ATXN7L1: variants seen among roughly 807,000 people sequenced by gnomAD.
ATXN7L1 encodes ataxin-7-like protein 1.
In ATXN7L1, 15 loss-of-function variants were observed where a neutral mutation model predicts 70.8. The observed-to-expected ratio is 0.21, with a 90% CI of 0.14 to 0.33. ATXN7L1 has a LOEUF of 0.33. Among genes scored for constraint, ATXN7L1 ranks in the 10% least tolerant of loss-of-function variants. ATXN7L1 has a pLI of 1.00. For missense variants in ATXN7L1, 975 were observed against 1,097.1 expected, an observed-to-expected ratio of 0.89 and a Z score of 1.57; for synonymous variants, 440 against 445.1, an observed-to-expected ratio of 0.99 and a Z score of 0.14.
intron 3 of ATXN7L1, among the ~76,000 whole-genome samples, chr7:105,691,931 G>A (rs1790927232): frequency 6.6e-6 from 1 of 152,206 alleles, no homozygotes; most frequent in Non-Finnish European, 1.5e-5. Flanking sequence ...AACTGACCCA[G>A]TGCCAAGAAC....
intron 2 of ATXN7L1, among the ~76,000 whole-genome samples, chr7:105,836,727 A>G (rs1585118259): frequency 6.6e-6 from 1 of 152,204 alleles, no homozygotes; most frequent in Admixed American, 6.5e-5. Flanking sequence ...CTGTTCTTGC[A>G]CTGCTATAAA....
intron 3 of ATXN7L1, among the ~76,000 whole-genome samples, chr7:105,731,651 TC>T (rs1244620097): frequency 6.0e-5 from 9 of 150,580 alleles, no homozygotes; most frequent in Non-Finnish European, 1.3e-4. Context: ...TGGTGGCGGG[TC>T]TTGAACTCCT....
intron 4 of ATXN7L1, among the ~76,000 whole-genome samples, chr7:105,662,623 G>A (rs1268363727): frequency 2.0e-5 from 3 of 152,118 alleles, no homozygotes; most frequent in African/African-American, 7.2e-5. Flanking sequence ...GATCTTCCCC[G>A]AGCTCCCTGG....
intron 4 of ATXN7L1, among the ~76,000 whole-genome samples, chr7:105,647,286 G>T (rs1156418855): frequency 6.6e-6 from 1 of 152,190 alleles, no homozygotes; most frequent in Non-Finnish European, 1.5e-5. Flanking sequence ...AGGTCCTCAG[G>T]CCTTCAGCAG....
intron 3 of ATXN7L1, among the ~76,000 whole-genome samples, chr7:105,717,214 A>C: frequency 6.6e-6 from 1 of 151,966 alleles, no homozygotes; most frequent in Non-Finnish European, 1.5e-5. Context: ...TGCAACCTCC[A>C]CCTCCTGGGT....
chr7:105,614,857 C>T lies in ATXN7L1; in HGVS notation c.1518-41G>A, dbSNP rs113078078. 0.034 allele frequency: 51,009 copies of T among 1,520,338 alleles called. 969 individuals are homozygous for T. Among genetic ancestry groups the T allele is most frequent in the Non-Finnish European group, 0.039 (44,009 of 1,129,414 alleles). The allele number at this position is 1,520,338 out of a possible 1,614,324, so 94.2% of individuals were successfully genotyped here. On this transcript the variant is annotated intron_variant, in intron 9 of 11. Transcript: ENST00000419735. The surrounding 1 kb of genome is among the most constrained non-coding windows in gnomAD (Gnocchi z 4.3). ...GAGTGAAAGAGAATCAGTGAGACAT[C>T]GGGTTGGCATTGCTCAGGAGGCTCG...
chr7:105,829,089 A>G (rs1312480684), intron 2 of ATXN7L1, among the ~76,000 whole-genome samples: 1 of 152,200 alleles, frequency 6.6e-6, no homozygotes, highest in Non-Finnish European at 1.5e-5. Flanking sequence ...TACATTTGAC[A>G]GGCTGCCTGC....
intron 2 of ATXN7L1, among the ~76,000 whole-genome samples, chr7:105,860,997 G>A (rs950658610): frequency 2.6e-5 from 4 of 152,222 alleles, no homozygotes; most frequent in African/African-American, 9.7e-5. Context: ...CATGCACAGG[G>A]TGCGGAGAAG....
At chr7:105,767,380 C>T (rs1801416140) in intron 3 of ATXN7L1, among the ~76,000 whole-genome samples, 2 of 152,150 alleles carry the variant, frequency 1.3e-5, no homozygotes, top group Admixed American at 1.3e-4. Flanking sequence ...ATGTATCCAT[C>T]CAGCTACGAT....
intron 2 of ATXN7L1, among the ~76,000 whole-genome samples, chr7:105,872,671 A>G (rs1818438770): frequency 6.6e-6 from 1 of 152,074 alleles, no homozygotes. Flanking sequence ...AGGAATGGGG[A>G]ATGGGGAGTG....
chr7:105,647,267 G>A (rs1338595767), intron 4 of ATXN7L1, among the ~76,000 whole-genome samples: 1 of 152,206 alleles, frequency 6.6e-6, no homozygotes, highest in Non-Finnish European at 1.5e-5. Context: ...AATGCCCTAT[G>A]TAGATGTTAG....
chr7:105,613,876 T>C lies in ATXN7L1; in HGVS notation c.2458A>G (p.Thr820Ala), dbSNP rs1793439386. 6.4e-7 allele frequency: 1 copy of C among 1,551,546 alleles called. No homozygotes were observed. The highest frequency in any genetic ancestry group is 8.7e-7 in the Non-Finnish European group (1 of 1,146,954). Reference sequence around the variant, plus strand: ...AGGTCCCTTACCTGCCGAGAGGAGGTGCTGTTAACGGGATCGGGCACCGGT... The same window carrying C: ...AGGTCCCTTACCTGCCGAGAGGAGGCGCTGTTAACGGGATCGGGCACCGGT... ...LAPVPDPVNS[T>A]SSRQVGKNSS... The change falls in exon 10 of 12, where the codon ACC becomes GCC. Residue 820 changes from threonine (T) to alanine (A), a missense_variant. This residue lies in a region of ATXN7L1 where 635 missense variants were observed against 699.4 expected (regional missense o/e 0.91). Coordinates refer to ENST00000419735, the MANE Select transcript of ATXN7L1 (RefSeq NM_020725.2).
intron 2 of ATXN7L1, among the ~76,000 whole-genome samples, chr7:105,815,588 G>A (rs1319115214): frequency 6.6e-6 from 1 of 152,186 alleles, no homozygotes; most frequent in Non-Finnish European, 1.5e-5. Flanking sequence ...CTGAGGGAAG[G>A]ACAAAGGCAC....
intron 9 of ATXN7L1, among the ~76,000 whole-genome samples, chr7:105,619,534 T>A (rs1323563394): frequency 0.1 from 521 of 4,972 alleles, 1 homozygote; most frequent in South Asian, 0.15. Context: ...ATATATATTT[T>A]TTTTTTTTTT....
chr7:105,825,953 G>C (rs1422946352), intron 2 of ATXN7L1, among the ~76,000 whole-genome samples: 6 of 152,186 alleles, frequency 3.9e-5, no homozygotes, highest in African/African-American at 9.7e-5. Flanking sequence ...GGAAGGAAAG[G>C]GGGTGGAGAT....
In ATXN7L1 at chr7:105,624,282, G is replaced by A. The variant is rs546869438; in HGVS notation, c.1203-15C>T. 631 of 1,360,722 alleles carry A rather than the reference G, an allele frequency of 4.6e-4. 2 individuals carry two copies. Among genetic ancestry groups the A allele is most frequent in the Admixed American group, 7.4e-4 (23 of 31,020 alleles). 84.3% of individuals were successfully genotyped at this position (1,360,722 alleles called of 1,614,324 possible). A position where few individuals can be genotyped will look rare whatever the true frequency, so the allele number is the denominator to read the frequency against. The stretch of plus-strand genomic sequence containing the variant: ...CAGATGATGGTCTAAGGGCAAGAGC[G>A]GAGAACAAACAAAATAAACCAAATG... On this transcript the variant is annotated splice_polypyrimidine_tract_variant and intron_variant, in intron 7 of 11. Transcript: ENST00000419735.
intron 2 of ATXN7L1, among the ~76,000 whole-genome samples, chr7:105,822,266 G>T (rs183410474): frequency 6.6e-6 from 1 of 152,278 alleles, no homozygotes; most frequent in Admixed American, 6.5e-5. Flanking sequence ...GCAAGACCCT[G>T]TCTCCAAAAA....
chr7:105,733,237 G>C (rs573558601), intron 3 of ATXN7L1, among the ~76,000 whole-genome samples: 1 of 152,120 alleles, frequency 6.6e-6, no homozygotes, highest in East Asian at 1.9e-4. Context: ...TGAATGAATG[G>C]GTGATTTTCT....
At chr7:105,821,019 T>G (rs1157565502) in intron 2 of ATXN7L1, among the ~76,000 whole-genome samples, 1 of 152,222 alleles carries the variant, frequency 6.6e-6, no homozygotes, top group Non-Finnish European at 1.5e-5. Context: ...TGTAAGCCAA[T>G]GAAACCTCTG....
Sources: allele counts gnomAD v4.1 joint callset (sites outside exome capture counted in the v4.1 genomes callset), GRCh38; gene constraint gnomAD v4.1.1; regional missense constraint gnomAD v4.1.1; non-coding constraint Gnocchi (gnomAD v3.1); transcripts MANE v1.5; gene names NCBI Gene and HGNC (gene_info 2026-07-23, HGNC 2026-07-21).